CDYL: variants seen among roughly 807,000 people sequenced by gnomAD.
The protein encoded by CDYL is chromodomain Y-like protein.
CDYL carries 8 observed loss-of-function variants against 47.3 expected under a neutral mutation model. That is an observed-to-expected ratio of 0.17 (90% CI 0.10 to 0.31). The LOEUF (loss-of-function observed/expected upper bound fraction) is 0.31, where lower values mean the gene tolerates loss of function less well. Ranked by LOEUF, CDYL falls within the 10% of genes least tolerant of loss-of-function variation. CDYL has a pLI of 1.00. For synonymous variants in CDYL, 266 were observed against 265.0 expected (o/e 1.00, Z -0.04); for missense variants, 471 against 701.4 (o/e 0.67, Z 3.71).
chr6:4,780,185 G>C (rs1424714969), intron 1 of CDYL, among the ~76,000 whole-genome samples: 1 of 151,762 alleles, frequency 6.6e-6, no homozygotes, highest in Non-Finnish European at 1.5e-5. Flanking sequence ...AGAGCTGGAA[G>C]ATCTGGGTGG....
At chr6:4,834,840 A>T (rs1760249775) in intron 1 of CDYL, among the ~76,000 whole-genome samples, 1 of 151,780 alleles carries the variant, frequency 6.6e-6, no homozygotes, top group African/African-American at 2.4e-5. Context: ...TCCATCGCTG[A>T]TACCCTTTCT....
At position 4,937,726 on chromosome 6, in the gene CDYL, A is replaced by T; in HGVS notation, c.1110A>T (p.Ala370=). ...DDRKRESTKM[A]EAIRNFVNTF... ...GGAAAAGAGAAAGCACTAAAATGGC[A>T]GAAGCTATCAGGTATGTAAAAATGA... Residue 370 remains alanine, a synonymous_variant, in exon 4 of 7, where the codon GCA becomes GCT. Coordinates refer to ENST00000397588, the MANE Select transcript of CDYL (RefSeq NM_004824.4). 2.5e-6 allele frequency: 4 copies of T among 1,606,266 alleles called. No individual in the cohort carries two copies. The highest frequency in any genetic ancestry group is 3.4e-6 in the Non-Finnish European group (4 of 1,177,952).
intron 1 of CDYL, among the ~76,000 whole-genome samples, chr6:4,789,592 G>A (rs954003312): frequency 1.3e-5 from 2 of 152,192 alleles, no homozygotes; most frequent in Admixed American, 1.3e-4. Flanking sequence ...GAGCTCTGCA[G>A]TGCTCTGTGA....
intron 2 of CDYL, among the ~76,000 whole-genome samples, chr6:4,912,003 C>T (rs1385651783): frequency 2.0e-5 from 3 of 152,186 alleles, no homozygotes; most frequent in Non-Finnish European, 4.4e-5. Context: ...TGTCTTTTCT[C>T]CTGAGCAGGT....
chr6:4,917,772 G>T (rs1581262867), intron 2 of CDYL, among the ~76,000 whole-genome samples: 1 of 152,166 alleles, frequency 6.6e-6, no homozygotes, highest in African/African-American at 2.4e-5. Flanking sequence ...TAGACATGAT[G>T]ATGAATATCA....
In CDYL at chr6:4,758,351, A is replaced by AT. The variant is rs1758108099; in HGVS notation, c.186+23507_186+23508insT. On this transcript the variant is annotated intron_variant, in intron 3 of 8. Transcript: ENST00000328908. ...AAGACTCATGTCTTGAAAATAAATAAATATATATATATATATATATCTCTT... is the reference window on the plus strand; with the variant it reads ...AAGACTCATGTCTTGAAAATAAATAATATATATATATATATATATATCTCTT... Among the ~76,000 whole-genome samples, 386 of 129,072 alleles carry AT rather than the reference A, an allele frequency of 3.0e-3. 9 individuals carry two copies. Among genetic ancestry groups the AT allele is most frequent in the East Asian group, 0.027 (124 of 4,522 alleles). 84.7% of individuals were successfully genotyped at this position (129,072 alleles called of 152,430 possible). A position where few individuals can be genotyped will look rare whatever the true frequency, so the allele number is the denominator to read the frequency against.
At chr6:4,755,553 A>G (rs1299438130) in intron 3 of CDYL, among the ~76,000 whole-genome samples, 1 of 151,156 alleles carries the variant, frequency 6.6e-6, no homozygotes, top group African/African-American at 2.5e-5. Flanking sequence ...TAGATTACCC[A>G]CTGGATACTT....
intron 1 of CDYL, among the ~76,000 whole-genome samples, chr6:4,866,635 T>C (rs1761331235): frequency 6.6e-6 from 1 of 152,138 alleles, no homozygotes; most frequent in Non-Finnish European, 1.5e-5. Flanking sequence ...AATGGTTGTA[T>C]TATAAATAAA....
At chr6:4,751,974 C>T (rs922825414) in intron 3 of CDYL, among the ~76,000 whole-genome samples, 2 of 152,208 alleles carry the variant, frequency 1.3e-5, no homozygotes, top group African/African-American at 2.4e-5. Context: ...AGCTGCATGC[C>T]GGCCTGCATT....
chr6:4,733,853 T>G (rs1757653574), intron 2 of CDYL, among the ~76,000 whole-genome samples: 1 of 110 alleles, frequency 9.1e-3, no homozygotes, highest in Non-Finnish European at 0.016. Flanking sequence ...TTCTTCTTCT[T>G]TTTTTTTTTT....
intron 1 of CDYL, among the ~76,000 whole-genome samples, chr6:4,800,242 A>G (rs1022983540): frequency 3.3e-5 from 5 of 152,142 alleles, no homozygotes; most frequent in African/African-American, 1.2e-4. Flanking sequence ...TCTTTTGCTG[A>G]TTTTGTGTTA....
chr6:4,707,273 G>A (rs1010003218), intron 1 of CDYL, among the ~76,000 whole-genome samples: 1 of 152,192 alleles, frequency 6.6e-6, no homozygotes, highest in African/African-American at 2.4e-5. Flanking sequence ...TCAATGCCAA[G>A]TCTGTTTTTT....
chr6:4,739,536 A>G (rs1455116406), intron 3 of CDYL, among the ~76,000 whole-genome samples: 1 of 151,470 alleles, frequency 6.6e-6, no homozygotes, highest in East Asian at 1.9e-4. Flanking sequence ...AAAAAAAAAA[A>G]GTTGAGTAAA....
rs140051964 is a variant in CDYL, at chr6:4,732,856, A to G, written c.104-1906A>G. Among the ~76,000 whole-genome samples the G allele has an allele frequency of 1.8e-3, 274 of 152,336 alleles. 1 individual carries two copies. The highest frequency in any genetic ancestry group is 6.3e-3 in the African/African-American group (262 of 41,580). ...GAAGACAGGCAGAGATAGGAGGATTAGATGGAGTATTTGGCTGAACAGGGA... is the reference window on the plus strand; with the variant it reads ...GAAGACAGGCAGAGATAGGAGGATTGGATGGAGTATTTGGCTGAACAGGGA... On this transcript the variant is annotated intron_variant, in intron 2 of 8. Transcript: ENST00000328908.
chr6:4,868,349 T>A (rs1761380530), intron 1 of CDYL, among the ~76,000 whole-genome samples: 1 of 151,966 alleles, frequency 6.6e-6, no homozygotes, highest in Admixed American at 6.5e-5. Flanking sequence ...TATATTTTCT[T>A]TTTTGACTGA....
chr6:4,724,880 A>T (rs1441250472), intron 2 of CDYL: 1 of 152,128 alleles, frequency 6.6e-6, no homozygotes, highest in Non-Finnish European at 1.5e-5. Context: ...ACCACAGCAG[A>T]TTACCGCTGC....
chr6:4,895,958 G>T (rs1762271457), intron 2 of CDYL, among the ~76,000 whole-genome samples: 1 of 152,184 alleles, frequency 6.6e-6, no homozygotes, highest in Admixed American at 6.5e-5. Context: ...TGCGGAGTTG[G>T]GAGGTTGGGT....
chr6:4,785,073 A>T (rs575300290), intron 1 of CDYL, among the ~76,000 whole-genome samples: 1 of 152,292 alleles, frequency 6.6e-6, no homozygotes, highest in Admixed American at 6.5e-5. Flanking sequence ...GTGAGAATGG[A>T]CTAATACACA....
Position 4,733,652 on chromosome 6 carries a change from A to ACCCCTCCT in CDYL, c.104-1110_104-1109insCCCCTCCT, listed in dbSNP as rs1182483900. Among the ~76,000 whole-genome samples the ACCCCTCCT allele has an allele frequency of 7.2e-5, 11 of 152,280 alleles. No homozygotes were observed. In the East Asian group the frequency reaches 1.7e-3, roughly 24 times the overall value. Reference sequence around the variant, plus strand: ...AAGAGAAACTTCATTCTGGTCATTAAGACTCCATCTCAGGTATGAAAATTT... The same window carrying ACCCCTCCT: ...AAGAGAAACTTCATTCTGGTCATTAACCCCTCCTGACTCCATCTCAGGTATGAAAATTT... On this transcript the variant is annotated intron_variant, in intron 2 of 8. Transcript: ENST00000328908.
Sources: allele counts gnomAD v4.1 joint callset (sites outside exome capture counted in the v4.1 genomes callset), GRCh38; gene constraint gnomAD v4.1.1; transcripts MANE v1.5; gene names NCBI Gene and HGNC (gene_info 2026-07-23, HGNC 2026-07-21).